Variants in AGBL1 observed in about 807,000 individuals in gnomAD.
AGBL1 encodes the protein AGBL carboxypeptidase 1, also known as cytosolic carboxypeptidase 4.
AGBL1 carries 130 observed loss-of-function variants against 118.9 expected under a neutral mutation model. The ratio of observed to expected loss-of-function variants is 1.09; its 90% confidence interval spans 0.95 to 1.26. AGBL1 has a LOEUF of 1.26. AGBL1 is among the 50% of genes most tolerant of loss of function. AGBL1 has a pLI of 0.00. For missense variants in AGBL1, 1,584 were observed against 1,298.1 expected (o/e 1.22, Z -3.38); for synonymous variants, 555 against 478.9 (o/e 1.16, Z -2.08).
chr15:86,818,563 TG>T (rs2078897516), intron 22 of AGBL1, among the ~76,000 whole-genome samples: 1 of 152,194 alleles, frequency 6.6e-6, no homozygotes, highest in Non-Finnish European at 1.5e-5. Flanking sequence ...AAGCAGGTCC[TG>T]ATGCCAAAAG....
At chr15:86,118,085 G>T (rs2141568122) in intron 1 of AGBL1, among the ~76,000 whole-genome samples, 1 of 152,216 alleles carries the variant, frequency 6.6e-6, no homozygotes, top group South Asian at 2.1e-4. Flanking sequence ...CGTTCTCCTG[G>T]GTGTCAATAT....
intron 22 of AGBL1, among the ~76,000 whole-genome samples, chr15:86,882,210 C>T (rs926090672): frequency 2.0e-5 from 3 of 152,144 alleles, no homozygotes; most frequent in Non-Finnish European, 4.4e-5. Flanking sequence ...GAAGAACTTG[C>T]TGTACTTTGT....
intron 17 of AGBL1, among the ~76,000 whole-genome samples, chr15:86,380,766 G>A (rs2081103865): frequency 6.6e-6 from 1 of 152,168 alleles, no homozygotes; most frequent in African/African-American, 2.4e-5. Flanking sequence ...CTTTCAAATT[G>A]TGTCCTTTGA....
chr15:86,241,263 G>A (rs567151166), intron 6 of AGBL1, among the ~76,000 whole-genome samples: 1 of 152,140 alleles, frequency 6.6e-6, no homozygotes. Context: ...TTGGTGAAGG[G>A]TATGTGAAAT....
intron 21 of AGBL1, among the ~76,000 whole-genome samples, chr15:86,593,228 GT>G (rs1452274871): frequency 6.6e-6 from 1 of 150,978 alleles, no homozygotes; most frequent in Non-Finnish European, 1.5e-5. Flanking sequence ...ACCACAAAAT[GT>G]TTCTTACTAA....
intron 5 of AGBL1, among the ~76,000 whole-genome samples, chr15:86,160,503 C>G (rs1597475579): frequency 1.3e-5 from 2 of 152,182 alleles, no homozygotes; most frequent in African/African-American, 2.4e-5. Flanking sequence ...AAAACACAGA[C>G]TGTCCTCAAT....
At chr15:86,849,246 T>G (rs1040477580) in intron 22 of AGBL1, among the ~76,000 whole-genome samples, 9 of 152,210 alleles carry the variant, frequency 5.9e-5, no homozygotes, top group African/African-American at 2.2e-4. Flanking sequence ...TTTATGCAGC[T>G]TTCTCTGCTT....
At chr15:86,380,602 C>T (rs756841045) in intron 17 of AGBL1, among the ~76,000 whole-genome samples, 8 of 146,842 alleles carry the variant, frequency 5.4e-5, no homozygotes, top group South Asian at 2.3e-4. Context: ...CATATTCATC[C>T]GTCTGTGTCA....
intron 22 of AGBL1, among the ~76,000 whole-genome samples, chr15:86,828,556 A>G (rs1441709872): frequency 6.6e-6 from 1 of 152,124 alleles, no homozygotes; most frequent in Non-Finnish European, 1.5e-5. Flanking sequence ...AGGGGCTACA[A>G]GCTGAATAAC....
intron 6 of AGBL1, among the ~76,000 whole-genome samples, chr15:86,225,720 C>G (rs1478761903): frequency 6.6e-6 from 1 of 151,992 alleles, no homozygotes; most frequent in Non-Finnish European, 1.5e-5. Flanking sequence ...AATTTGGCAC[C>G]TTGGAAGCCA....
At chr15:86,457,126 CT>C (rs2082270644) in intron 18 of AGBL1, among the ~76,000 whole-genome samples, 1 of 151,446 alleles carries the variant, frequency 6.6e-6, no homozygotes, top group Admixed American at 6.6e-5. Context: ...AATACGCATT[CT>C]TAAAAAAAAG....
At chr15:86,250,567 A>T (rs1431065668) in intron 7 of AGBL1, among the ~76,000 whole-genome samples, 1 of 135,178 alleles carries the variant, frequency 7.4e-6, no homozygotes, top group African/African-American at 2.7e-5. Flanking sequence ...AAAAAAAAAA[A>T]AAAAAAGGTG....
intron 21 of AGBL1, among the ~76,000 whole-genome samples, chr15:86,666,997 G>T (rs563465767): frequency 1.3e-5 from 2 of 152,204 alleles, no homozygotes; most frequent in East Asian, 3.9e-4. Flanking sequence ...ACTTGTATCA[G>T]ACATAGATGC....
chr15:86,952,870 A>G (rs1411901269), intron 23 of AGBL1, among the ~76,000 whole-genome samples: 1 of 152,216 alleles, frequency 6.6e-6, no homozygotes, highest in Non-Finnish European at 1.5e-5. Flanking sequence ...AGTGAAAGGT[A>G]AGGGTCCAGT....
At chr15:86,637,306 G>A (rs1361282012) in intron 21 of AGBL1, among the ~76,000 whole-genome samples, 1 of 152,100 alleles carries the variant, frequency 6.6e-6, no homozygotes, top group Non-Finnish European at 1.5e-5. Context: ...GCATGTCAGG[G>A]AGAGCTAAGT....
At chr15:86,196,879 GCA>G (rs59632011) in intron 5 of AGBL1, among the ~76,000 whole-genome samples, 16,047 of 116,468 alleles carry the variant, frequency 0.14, 1,165 homozygotes, top group Non-Finnish European at 0.18. Flanking sequence ...GCGCGCGCGC[GCA>G]CACACACACA....
chr15:86,803,039 G>A (rs544301194), intron 22 of AGBL1, among the ~76,000 whole-genome samples: 1 of 152,186 alleles, frequency 6.6e-6, no homozygotes, highest in African/African-American at 2.4e-5. Flanking sequence ...GGGTTCTTTT[G>A]TATTTACCTT....
chr15:86,787,909 G>A (rs953863016), intron 22 of AGBL1, among the ~76,000 whole-genome samples: 1 of 152,000 alleles, frequency 6.6e-6, no homozygotes, highest in Non-Finnish European at 1.5e-5. Flanking sequence ...ATTTCAAAGA[G>A]TCTATATATT....
At chr15:86,177,151 T>C (rs2141775289) in intron 5 of AGBL1, among the ~76,000 whole-genome samples, 1 of 152,324 alleles carries the variant, frequency 6.6e-6, no homozygotes, top group South Asian at 2.1e-4. Context: ...TAGGAAGCTT[T>C]TTCTAATATC....
Sources: allele counts gnomAD v4.1 joint callset (sites outside exome capture counted in the v4.1 genomes callset), GRCh38; gene constraint gnomAD v4.1.1; transcripts MANE v1.5; gene names NCBI Gene and HGNC (gene_info 2026-07-23, HGNC 2026-07-21).